Variants in GPX2 observed in about 807,000 individuals in gnomAD.
GPX2 encodes the protein gastrointestinal glutathione peroxidase.
GPX2 carries 21 observed loss-of-function variants against 14.1 expected under a neutral mutation model. The observed-to-expected ratio is 1.48, with a 90% CI of 1.05 to 2.14. The LOEUF (loss-of-function observed/expected upper bound fraction) is 2.14, where lower values mean the gene tolerates loss of function less well. GPX2 is among the 30% of genes most tolerant of loss of function. The probability of loss-of-function intolerance (pLI) is 0.00; values close to 1 mark genes in which losing one functional copy is unlikely to be tolerated. For missense variants in GPX2, 241 were observed against 249.8 expected (o/e 0.96, Z 0.24); for synonymous variants, 94 against 95.2 (o/e 0.99, Z 0.07).
intron 1 of GPX2, 99 bp downstream of exon 1, chr14:64,942,406 C>A: frequency 2.2e-6 from 2 of 913,240 alleles, no homozygotes; most frequent in South Asian, 2.9e-5. Context: ...CCCCATTATT[C>A]CAGACACTCC....
chr14:64,942,420 A>G (rs947933348), intron 1 of GPX2, 85 bp downstream of exon 1: 5 of 1,069,322 alleles, frequency 4.7e-6, no homozygotes, highest in Non-Finnish European at 7.2e-6. Flanking sequence ...ACACTCCAAA[A>G]CATGGTCATT....
At chr14:64,941,197 G>T in intron 1 of GPX2, 1 of 287,680 alleles carries the variant, frequency 3.5e-6, no homozygotes, top group Non-Finnish European at 6.5e-6. Context: ...GTCCCAAGTA[G>T]CTGTGACTAC....
rs1421659377 is a variant in GPX2, at chr14:64,939,815, G to T, written c.246C>A (p.Ile82=). 1 of 1,613,868 alleles carries T rather than the reference G, an allele frequency of 6.2e-7. No individual in the cohort carries two copies. The highest frequency in any genetic ancestry group is 8.5e-7 in the Non-Finnish European group (1 of 1,179,884). Residue 82 remains isoleucine (I), a synonymous_variant, in exon 2 of 2, where the codon ATC becomes ATA. Transcript: ENST00000389614. This position sits in a 1 kb window ranked among gnomAD's most constrained non-coding sequence, Gnocchi z 5.7. ...GACGGACATACTTGAGACTGTTCAG[G>T]ATCTCCTCATTCTGACAGTTCTCCT... The part of the protein sequence containing the change: ...GHQENCQNEE[I]LNSLKYVRPG...
chr14:64,942,395 ACC>A, intron 1 of GPX2, 108 bp downstream of exon 1: 1 of 811,738 alleles, frequency 1.2e-6, no homozygotes, highest in Non-Finnish European at 2.1e-6. Flanking sequence ...AACAAAACAT[ACC>A]CCATTATTCC....
At position 64,939,820 on chromosome 14, in the gene GPX2, C is replaced by G. The variant is rs751947629; in HGVS notation, c.241G>C (p.Glu81Gln). 1.2e-6 allele frequency: 2 copies of G among 1,613,662 alleles called. No homozygotes were observed. Among genetic ancestry groups the G allele is most frequent in the Admixed American group, 1.7e-5 (1 of 59,992 alleles). Residue 81 changes from glutamate (E) to glutamine (Q), a missense_variant, in exon 2 of 2, where the codon GAG (glutamate) becomes CAG (glutamine). Coordinates refer to ENST00000389614, the MANE Select transcript of GPX2 (RefSeq NM_002083.4). The surrounding 1 kb of genome is among the most constrained non-coding windows in gnomAD (Gnocchi z 5.7). ...FGHQENCQNE[E>Q]ILNSLKYVRP... is the part of the protein sequence containing the mutation. ...ACATACTTGAGACTGTTCAGGATCT[C>G]CTCATTCTGACAGTTCTCCTAGGGG...
chr14:64,939,745 C>A lies in GPX2; in HGVS notation c.316G>T (p.Glu106Ter). Reference sequence around the variant, plus strand: ...GGATGCTCGTTCTGCCCATTCACCTCACATTTTTGGACAAGGGTGAAGGTG... The same window carrying A: ...GGATGCTCGTTCTGCCCATTCACCTAACATTTTTGGACAAGGGTGAAGGTG... ...QPTFTLVQKC[E>*]VNGQNEHPVF... Residue 106 changes from glutamate to a stop codon, truncating the protein, a stop_gained, in exon 2 of 2, where the codon GAG (glutamate) becomes TAG (stop). Coordinates refer to ENST00000389614, the MANE Select transcript of GPX2 (RefSeq NM_002083.4). LOFTEE classifies it high-confidence loss of function. The surrounding 1 kb of genome is among the most constrained non-coding windows in gnomAD (Gnocchi z 5.7). 1 of 1,614,142 alleles carries A rather than the reference C, an allele frequency of 6.2e-7. No homozygotes were observed. Among genetic ancestry groups the A allele is most frequent in the South Asian group, 1.1e-5 (1 of 91,084 alleles).
Position 64,940,497 on chromosome 14 carries a change from A to T in GPX2, c.223-659T>A, listed in dbSNP as rs2139941981. Among the ~76,000 whole-genome samples the T allele has an allele frequency of 6.6e-6, 1 of 152,280 alleles. No homozygotes were observed. Among genetic ancestry groups the T allele is most frequent in the East Asian group, 1.9e-4 (1 of 5,176 alleles). On this transcript the variant is annotated intron_variant, in intron 1 of 1. Coordinates refer to ENST00000389614, the MANE Select transcript of GPX2 (RefSeq NM_002083.4). This position sits in a 1 kb window ranked among gnomAD's most constrained non-coding sequence, Gnocchi z 4.5. ...GTCCTAGAACTGAAGTACAAATGGG[A>T]AGAAGCTTTGATGAAGGAAGACCCC...
At chr14:64,941,939 T>G (rs1012010208) in intron 1 of GPX2, among the ~76,000 whole-genome samples, 1 of 152,264 alleles carries the variant, frequency 6.6e-6, no homozygotes, top group African/African-American at 2.4e-5. Context: ...TTTGCTTGCA[T>G]TTGCATAGTA....
Position 64,939,737 on chromosome 14 carries a change from A to G in GPX2, c.324T>C (p.Asn108=), listed in dbSNP as rs556146089. 94 of 1,614,104 alleles carry G rather than the reference A, an allele frequency of 5.8e-5. 1 individual carries two copies. In the South Asian group the frequency reaches 9.4e-4, roughly 16 times the overall value. The change falls in exon 2 of 2, where the codon AAT becomes AAC. Residue 108 remains asparagine, a synonymous_variant. Coordinates refer to ENST00000389614, the MANE Select transcript of GPX2 (RefSeq NM_002083.4). The surrounding 1 kb of genome is among the most constrained non-coding windows in gnomAD (Gnocchi z 5.7). ...TFTLVQKCEV[N]GQNEHPVFAY... is the part of the protein sequence containing the mutation. Reference sequence around the variant, plus strand: ...CGAAGACAGGATGCTCGTTCTGCCCATTCACCTCACATTTTTGGACAAGGG... The same window carrying G: ...CGAAGACAGGATGCTCGTTCTGCCCGTTCACCTCACATTTTTGGACAAGGG...
At position 64,940,559 on chromosome 14, in the gene GPX2, C is replaced by G. The variant is rs562885443; in HGVS notation, c.223-721G>C. Among the ~76,000 whole-genome samples the G allele has an allele frequency of 1.2e-4, 19 of 152,266 alleles. No individual in the cohort carries two copies. The highest frequency in any genetic ancestry group is 2.2e-4 in the Non-Finnish European group (15 of 68,026). ...ATCTAGTTTTCAGGTGCCATAACAG[C>G]AGAGCAAGTTCAAGGCAACAATGAA... On this transcript the variant is annotated intron_variant, in intron 1 of 1. Transcript: ENST00000389614. The surrounding 1 kb of genome is among the most constrained non-coding windows in gnomAD (Gnocchi z 4.5).
Position 64,942,518 on chromosome 14 carries a change from T to G in GPX2, c.209A>C (p.Gln70Pro), listed in dbSNP as rs1885714323. The G allele has an allele frequency of 6.2e-7, 1 of 1,613,962 alleles. No individual in the cohort carries two copies. Among genetic ancestry groups the G allele is most frequent in the African/African-American group, 1.3e-5 (1 of 74,922 alleles). The change falls in exon 1 of 2, where the codon CAA becomes CCA. Residue 70 changes from glutamine to proline, a missense_variant. Gln to Pro is a moderately conservative substitution (Grantham distance 76, BLOSUM62 -1). Transcript: ENST00000389614. ...GGGACCCCTCACCTGATGTCCAAAT[T>G]GGTTGCAAGGGAAGCCAAGGACCAC... Reference protein sequence around the residue: ...RLVVLGFPCNQFGHQENCQNE... With the variant: ...RLVVLGFPCNPFGHQENCQNE...
chr14:64,942,490 G>A lies in GPX2; in HGVS notation c.222+15C>T, dbSNP rs768501231. 1 of 1,608,092 alleles carries A rather than the reference G, an allele frequency of 6.2e-7. No homozygotes were observed. Reference sequence around the variant, plus strand: ...ACCCAACACTTTTGGTGCATTACAAGGAGGGACCCCTCACCTGATGTCCAA... The same window carrying A: ...ACCCAACACTTTTGGTGCATTACAAAGAGGGACCCCTCACCTGATGTCCAA... On this transcript the variant is annotated intron_variant, in intron 1 of 1. Coordinates refer to ENST00000389614, the MANE Select transcript of GPX2 (RefSeq NM_002083.4).
At position 64,940,069 on chromosome 14, in the gene GPX2, A is replaced by T; in HGVS notation, c.223-231T>A. 1 of 1,459,540 alleles carries T rather than the reference A, an allele frequency of 6.9e-7. No homozygotes were observed. The allele number at this position is 1,459,540 out of a possible 1,614,324, so 90.4% of individuals were successfully genotyped here. A position where few individuals can be genotyped will look rare whatever the true frequency, so the allele number is the denominator to read the frequency against. ...GTAGCTGAGACTACAGACACAGGCC[A>T]CCATGCCCGGCTAATTTTTTTTTTT... On this transcript the variant is annotated intron_variant, in intron 1 of 1. Coordinates refer to ENST00000389614, the MANE Select transcript of GPX2 (RefSeq NM_002083.4). The surrounding 1 kb of genome is among the most constrained non-coding windows in gnomAD (Gnocchi z 4.5).
Position 64,940,473 on chromosome 14 carries a change from T to C in GPX2, c.223-635A>G, listed in dbSNP as rs534584185. On this transcript the variant is annotated intron_variant, in intron 1 of 1. Transcript: ENST00000389614. The surrounding 1 kb of genome is among the most constrained non-coding windows in gnomAD (Gnocchi z 4.5). Reference sequence around the variant, plus strand: ...AGCTTCTTGCTTTCTTCTTGCCTTGTCCTAGAACTGAAGTACAAATGGGAA... The same window carrying C: ...AGCTTCTTGCTTTCTTCTTGCCTTGCCCTAGAACTGAAGTACAAATGGGAA... Among the ~76,000 whole-genome samples the C allele has an allele frequency of 4.7e-4, 71 of 152,284 alleles. No individual in the cohort carries two copies. The highest frequency in any genetic ancestry group is 1.7e-3 in the African/African-American group (70 of 41,552).
chr14:64,939,969 C>G lies in GPX2; in HGVS notation c.223-131G>C, dbSNP rs935624408. On this transcript the variant is annotated intron_variant, in intron 1 of 1. Coordinates refer to ENST00000389614, the MANE Select transcript of GPX2 (RefSeq NM_002083.4). The surrounding 1 kb of genome is among the most constrained non-coding windows in gnomAD (Gnocchi z 5.7). Reference sequence around the variant, plus strand: ...TTTTTCACTGTGAAAGAGAGAGAGACAAGACAGACGAGGTGTTGCTCACTG... The same window carrying G: ...TTTTTCACTGTGAAAGAGAGAGAGAGAAGACAGACGAGGTGTTGCTCACTG... 1.3e-5 allele frequency: 19 copies of G among 1,444,184 alleles called. No homozygotes were observed. The highest frequency in any genetic ancestry group is 1.6e-5 in the Non-Finnish European group (18 of 1,100,956). 89.5% of individuals were successfully genotyped at this position (1,444,184 alleles called of 1,614,324 possible).
rs761029895 is a variant in GPX2 at position 64,942,546 on chromosome 14, G to A, written c.181C>T (p.Leu61=). ...NELQCRFPRR[L]VVLGFPCNQF... ...TTGCAAGGGAAGCCAAGGACCACCAGGCGCCTGGGAAAGCGGCATTGCAGC... is the reference window on the plus strand; with the variant it reads ...TTGCAAGGGAAGCCAAGGACCACCAAGCGCCTGGGAAAGCGGCATTGCAGC... Residue 61 remains leucine, a synonymous_variant, in exon 1 of 2, where the codon CTG becomes TTG. Coordinates refer to ENST00000389614, the MANE Select transcript of GPX2 (RefSeq NM_002083.4). 2 of 1,614,230 alleles carry A rather than the reference G, an allele frequency of 1.2e-6. No homozygotes were observed. The highest frequency in any genetic ancestry group is 1.1e-5 in the South Asian group (1 of 91,088).
At chr14:64,942,224 C>T (rs1478697363) in intron 1 of GPX2, among the ~76,000 whole-genome samples, 1 of 152,230 alleles carries the variant, frequency 6.6e-6, no homozygotes, top group East Asian at 1.9e-4. Context: ...GTGCCCTAGG[C>T]ACTGAGGACA....
At position 64,939,957 on chromosome 14, in the gene GPX2, A is replaced by AAG; in HGVS notation, c.223-121_223-120dup. The AAG allele has an allele frequency of 1.4e-6, 2 of 1,471,998 alleles. No individual in the cohort carries two copies. The highest frequency in any genetic ancestry group is 8.9e-7 in the Non-Finnish European group (1 of 1,117,668). The allele number at this position is 1,471,998 out of a possible 1,614,324, so 91.2% of individuals were successfully genotyped here. ...CCAGGGTCATTCTTTTTCACTGTGA[A>AAG]AGAGAGAGAGACAAGACAGACGAGG... On this transcript the variant is annotated intron_variant, in intron 1 of 1. Transcript: ENST00000389614. This position sits in a 1 kb window ranked among gnomAD's most constrained non-coding sequence, Gnocchi z 5.7.
chr14:64,939,893 C>T lies in GPX2; in HGVS notation c.223-55G>A. 4.4e-6 allele frequency: 7 copies of T among 1,578,204 alleles called. No homozygotes were observed. Among genetic ancestry groups the T allele is most frequent in the Non-Finnish European group, 6.0e-6 (7 of 1,161,104 alleles). On this transcript the variant is annotated intron_variant, in intron 1 of 1. Transcript: ENST00000389614. This position sits in a 1 kb window ranked among gnomAD's most constrained non-coding sequence, Gnocchi z 5.7. ...ACAGTGGGTGGGGGAAGAGAAAGAT[C>T]CACAACATGAAACTCTTTCACCCTC... is the stretch of plus-strand genomic sequence containing the variant.
Sources: allele counts gnomAD v4.1 joint callset (sites outside exome capture counted in the v4.1 genomes callset), GRCh38; gene constraint gnomAD v4.1.1; non-coding constraint Gnocchi (gnomAD v3.1); transcripts MANE v1.5; gene names NCBI Gene and HGNC (gene_info 2026-07-23, HGNC 2026-07-21).